Variants in BMP5 observed in about 807,000 individuals in gnomAD.
BMP5 encodes the protein bone morphogenetic protein 5.
Under a neutral mutation model 46.6 loss-of-function variants are expected in BMP5, and 23 were observed. The observed-to-expected ratio is 0.49, with a 90% CI of 0.35 to 0.70. The LOEUF is 0.70. Among genes scored for constraint, BMP5 ranks in the 30% least tolerant of loss-of-function variants. The pLI is 0.00. For missense variants in BMP5, 545 were observed against 565.6 expected, an observed-to-expected ratio of 0.96 and a Z score of 0.37; for synonymous variants, 204 against 191.9, an observed-to-expected ratio of 1.06 and a Z score of -0.52.
At chr6:55,851,260 A>G (rs1322151923) in intron 1 of BMP5, among the ~76,000 whole-genome samples, 1 of 150,286 alleles carries the variant, frequency 6.7e-6, no homozygotes, top group Non-Finnish European at 1.5e-5. Context: ...TTTTTCTTTC[A>G]GTGGATGATT....
intron 1 of BMP5, among the ~76,000 whole-genome samples, chr6:55,828,748 T>TG: frequency 6.6e-6 from 1 of 151,754 alleles, no homozygotes; most frequent in Non-Finnish European, 1.5e-5. Context: ...TATTTCTCTA[T>TG]GGGGGAAATG....
chr6:55,791,570 T>C (rs978266741), intron 3 of BMP5, among the ~76,000 whole-genome samples: 1 of 151,994 alleles, frequency 6.6e-6, no homozygotes, highest in Non-Finnish European at 1.5e-5. Flanking sequence ...CCATGTAATA[T>C]AAGAGAAAAT....
At chr6:55,798,214 C>A (rs1775763900) in intron 2 of BMP5, among the ~76,000 whole-genome samples, 1 of 152,142 alleles carries the variant, frequency 6.6e-6, no homozygotes, top group East Asian at 1.9e-4. Flanking sequence ...GGTCAACTGC[C>A]TTTGCAAAGA....
intron 1 of BMP5, among the ~76,000 whole-genome samples, chr6:55,848,453 T>G (rs192564281): frequency 6.6e-6 from 1 of 152,118 alleles, no homozygotes; most frequent in East Asian, 1.9e-4. Flanking sequence ...ATTCAATATA[T>G]ACATACATTT....
chr6:55,863,687 G>A (rs1346675711), intron 1 of BMP5, among the ~76,000 whole-genome samples: 1 of 152,006 alleles, frequency 6.6e-6, no homozygotes, highest in Non-Finnish European at 1.5e-5. Context: ...ATATAACACT[G>A]GTCTCATAAG....
chr6:55,861,905 G>C (rs925923967), intron 1 of BMP5, among the ~76,000 whole-genome samples: 4 of 152,192 alleles, frequency 2.6e-5, no homozygotes, highest in African/African-American at 9.7e-5. Context: ...TCTGAATCCA[G>C]TTCTTCCTAT....
intron 1 of BMP5, among the ~76,000 whole-genome samples, chr6:55,861,799 T>G (rs751513534): frequency 6.6e-6 from 1 of 152,198 alleles, no homozygotes; most frequent in African/African-American, 2.4e-5. Flanking sequence ...ATATAATATG[T>G]TGGAAAGTAT....
At chr6:55,778,750 T>C (rs1420268601) in intron 3 of BMP5, among the ~76,000 whole-genome samples, 1 of 152,026 alleles carries the variant, frequency 6.6e-6, no homozygotes, top group African/African-American at 2.4e-5. Flanking sequence ...GACTGATATC[T>C]TCTAAGAAAT....
chr6:55,829,113 T>C (rs535558446), intron 1 of BMP5, among the ~76,000 whole-genome samples: 2 of 151,960 alleles, frequency 1.3e-5, no homozygotes, highest in Admixed American at 6.6e-5. Flanking sequence ...AAAATTAATA[T>C]AGGAGTAGCT....
At chr6:55,823,619 G>A (rs1036379441) in intron 1 of BMP5, among the ~76,000 whole-genome samples, 26 of 152,022 alleles carry the variant, frequency 1.7e-4, no homozygotes, top group Admixed American at 7.9e-4. Context: ...TAACACAGCC[G>A]GAGTGTGTTT....
chr6:55,845,371 AACCTACAATGG>A (rs1777073893), intron 1 of BMP5, among the ~76,000 whole-genome samples: 1 of 151,936 alleles, frequency 6.6e-6, no homozygotes, highest in Non-Finnish European at 1.5e-5. Flanking sequence ...ATTCACCTGG[AACCTACAATGG>A]GTCTATGGAG....
chr6:55,812,781 G>A (rs936960185), intron 2 of BMP5, among the ~76,000 whole-genome samples: 2 of 152,124 alleles, frequency 1.3e-5, no homozygotes, highest in Non-Finnish European at 2.9e-5. Context: ...TCTTTAAGAA[G>A]TATATGAAGC....
intron 4 of BMP5, 62 bp from the exon 5 acceptor site, chr6:55,760,595 G>C: frequency 7.1e-7 from 1 of 1,404,780 alleles, no homozygotes; most frequent in Non-Finnish European, 1.0e-6. Context: ...TACTTCTTTT[G>C]TGAGATCACT....
intron 3 of BMP5, among the ~76,000 whole-genome samples, chr6:55,781,444 C>T (rs931915395): frequency 2.0e-5 from 3 of 151,970 alleles, no homozygotes; most frequent in African/African-American, 7.2e-5. Flanking sequence ...TGACAAAAAG[C>T]TTTTAGATGT....
intron 3 of BMP5, among the ~76,000 whole-genome samples, chr6:55,786,691 T>A (rs1775458370): frequency 6.6e-6 from 1 of 151,778 alleles, no homozygotes; most frequent in African/African-American, 2.4e-5. Context: ...CATAAAGAAC[T>A]ACTTATTTAT....
At chr6:55,830,501 C>G (rs1776639138) in intron 1 of BMP5, among the ~76,000 whole-genome samples, 1 of 152,052 alleles carries the variant, frequency 6.6e-6, no homozygotes, top group South Asian at 2.1e-4. Flanking sequence ...ATATACAAAC[C>G]CTTCAAGTTT....
intron 3 of BMP5, among the ~76,000 whole-genome samples, chr6:55,786,456 T>C (rs1298537898): frequency 6.6e-6 from 1 of 151,666 alleles, no homozygotes; most frequent in African/African-American, 2.4e-5. Flanking sequence ...TCTAAGGCCA[T>C]TGGCTTCCAT....
Position 55,825,571 on chromosome 6 carries a change from T to A in BMP5, c.491-5724A>T, listed in dbSNP as rs1776510358. On this transcript the variant is annotated intron_variant, in intron 1 of 6. Transcript: ENST00000370830. ...ACACTGAAGACTTTTATTGTTGAGA[T>A]ACAAGTTAACAGAAGTTAATGACTG... is the stretch of plus-strand genomic sequence containing the variant. Among the ~76,000 whole-genome samples, 3 of 151,826 alleles carry A rather than the reference T, an allele frequency of 2.0e-5. No homozygotes were observed. The South Asian group carries it at 6.2e-4, about 31-fold the overall frequency.
chr6:55,778,565 A>G (rs1475054439), intron 3 of BMP5, among the ~76,000 whole-genome samples: 1 of 152,060 alleles, frequency 6.6e-6, no homozygotes, highest in Non-Finnish European at 1.5e-5. Context: ...CAAAAAACAA[A>G]CAAAAATATT....
Sources: gnomAD v4.1 joint callset for allele counts (sites outside exome capture counted in the v4.1 genomes callset) on GRCh38, gnomAD v4.1.1 for gene constraint, MANE v1.5 for transcripts, NCBI Gene and HGNC (gene_info 2026-07-23, HGNC 2026-07-21) for gene names.